Variants in NRG1 observed in about 807,000 individuals in gnomAD.
NRG1 encodes pro-neuregulin-1, membrane-bound isoform.
Under a neutral mutation model 63.8 loss-of-function variants are expected in NRG1, and 18 were observed. That is an observed-to-expected ratio of 0.28 (90% CI 0.19 to 0.42). NRG1 has a LOEUF of 0.42. Ranked by LOEUF, NRG1 falls within the 10% of genes least tolerant of loss-of-function variation. The pLI is 1.00. For synonymous variants in NRG1, 302 were observed against 301.3 expected, an observed-to-expected ratio of 1.00 and a Z score of -0.02; for missense variants, 762 against 814.7, an observed-to-expected ratio of 0.94 and a Z score of 0.79.
chr8:32,288,467 C>T (rs1379553642), intron 1 of NRG1, among the ~76,000 whole-genome samples: 1 of 152,134 alleles, frequency 6.6e-6, no homozygotes, highest in Admixed American at 6.5e-5. Flanking sequence ...AAGCCCATTC[C>T]ACTTACAAGA....
chr8:32,238,903 A>T (rs974039729), intron 1 of NRG1, among the ~76,000 whole-genome samples: 5 of 152,138 alleles, frequency 3.3e-5, no homozygotes, highest in Non-Finnish European at 7.3e-5. Flanking sequence ...GAACAGGGAG[A>T]TGCTATTTAC....
intron 1 of NRG1, among the ~76,000 whole-genome samples, chr8:32,049,311 C>A (rs2130791750): frequency 6.6e-6 from 1 of 152,212 alleles, no homozygotes; most frequent in African/African-American, 2.4e-5. Flanking sequence ...GTGACGTATG[C>A]TAAATATATT....
intron 1 of NRG1, among the ~76,000 whole-genome samples, chr8:32,184,251 G>A (rs982325449): frequency 2.0e-5 from 3 of 152,044 alleles, no homozygotes; most frequent in African/African-American, 7.2e-5. Context: ...AATAGCATAT[G>A]AGCACTTCAC....
intron 1 of NRG1, among the ~76,000 whole-genome samples, chr8:31,941,926 G>A (rs1801815999): frequency 6.6e-6 from 1 of 152,136 alleles, no homozygotes; most frequent in Non-Finnish European, 1.5e-5. Flanking sequence ...CCATGCTCAT[G>A]GATGGGTGAA....
chr8:32,087,370 G>A (rs1056134059), intron 1 of NRG1, among the ~76,000 whole-genome samples: 2 of 151,870 alleles, frequency 1.3e-5, no homozygotes, highest in African/African-American at 4.8e-5. Context: ...GCTTCCTGAG[G>A]CCCTCACTAG....
intron 5 of NRG1, among the ~76,000 whole-genome samples, chr8:32,617,413 T>A (rs1310694076): frequency 6.6e-6 from 1 of 152,264 alleles, no homozygotes; most frequent in Non-Finnish European, 1.5e-5. Context: ...CTAGGCAAGA[T>A]CTCAGATTAG....
At chr8:32,416,911 C>T (rs1201765419) in intron 1 of NRG1, among the ~76,000 whole-genome samples, 4 of 152,122 alleles carry the variant, frequency 2.6e-5, no homozygotes, top group Admixed American at 2.0e-4. Context: ...GTCTTGAACT[C>T]CTGAGCTCAA....
chr8:32,689,540 T>G (rs915522035), intron 5 of NRG1, among the ~76,000 whole-genome samples: 7 of 152,266 alleles, frequency 4.6e-5, no homozygotes, highest in African/African-American at 1.7e-4. Flanking sequence ...AATTGTGCTT[T>G]TAAAAAATTG....
At chr8:32,708,733 C>T (rs959290677) in intron 5 of NRG1, among the ~76,000 whole-genome samples, 2 of 152,170 alleles carry the variant, frequency 1.3e-5, no homozygotes, top group Non-Finnish European at 1.5e-5. Context: ...ATAATTCTTT[C>T]CTTTCTCTCG....
At chr8:31,962,538 A>G (rs1316438646) in intron 1 of NRG1, among the ~76,000 whole-genome samples, 1 of 152,192 alleles carries the variant, frequency 6.6e-6, no homozygotes, top group Non-Finnish European at 1.5e-5. Flanking sequence ...TAGGGAGAGA[A>G]TTGAAGTATG....
chr8:32,728,622 A>G (rs2129015862), intron 6 of NRG1: 1 of 985,050 alleles, frequency 1.0e-6, no homozygotes, highest in East Asian at 1.1e-4. Context: ...CTAGTAAAAA[A>G]AGAGAAAAAA....
At chr8:31,852,850 C>T (rs1338729292) in intron 1 of NRG1, among the ~76,000 whole-genome samples, 2 of 152,152 alleles carry the variant, frequency 1.3e-5, no homozygotes, top group Non-Finnish European at 2.9e-5. Flanking sequence ...TTCCCAGCAC[C>T]ATTTATTAAA....
At chr8:31,739,303 A>G (rs1586053382) in intron 1 of NRG1, among the ~76,000 whole-genome samples, 1 of 152,094 alleles carries the variant, frequency 6.6e-6, no homozygotes, top group East Asian at 1.9e-4. Flanking sequence ...GTTATCTCAC[A>G]CTGGGGTTGG....
intron 1 of NRG1, among the ~76,000 whole-genome samples, chr8:32,211,387 C>T (rs1467830844): frequency 6.6e-6 from 1 of 152,124 alleles, no homozygotes; most frequent in Non-Finnish European, 1.5e-5. Flanking sequence ...TAAAGAATGT[C>T]CCTTGTGCAT....
At chr8:31,678,436 T>C (rs571717356) in intron 1 of NRG1, among the ~76,000 whole-genome samples, 1 of 152,132 alleles carries the variant, frequency 6.6e-6, no homozygotes, top group Non-Finnish European at 1.5e-5. Flanking sequence ...ACCACCTTTG[T>C]GTCCATTGAA....
chr8:32,119,731 T>C (rs1401653749), intron 1 of NRG1, among the ~76,000 whole-genome samples: 1 of 151,988 alleles, frequency 6.6e-6, no homozygotes, highest in Non-Finnish European at 1.5e-5. Flanking sequence ...TGGAAGGCCA[T>C]ATGTCAAAAT....
Position 31,640,642 on chromosome 8 carries a change from C to T in NRG1, c.37+1211C>T. On this transcript the variant is annotated intron_variant, in intron 1 of 10. Coordinates refer to the NRG1 transcript ENST00000519301. The surrounding 1 kb of genome is among the most constrained non-coding windows in gnomAD (Gnocchi z 6.3). ...CGACGCCAACAGCACCAGCCGCGCG[C>T]CGGCCGCCTTCCGAGCCTCTTTCCC... The T allele has an allele frequency of 6.2e-7, 1 of 1,609,196 alleles. No individual in the cohort carries two copies. The highest frequency in any genetic ancestry group is 8.5e-7 in the Non-Finnish European group (1 of 1,178,666).
At chr8:32,692,248 TA>T (rs1362566874) in intron 5 of NRG1, among the ~76,000 whole-genome samples, 2 of 152,234 alleles carry the variant, frequency 1.3e-5, no homozygotes, top group Non-Finnish European at 2.9e-5. Flanking sequence ...CTCAAAGATT[TA>T]TTCTGTGTAG....
At chr8:31,978,385 C>T (rs1266922482) in intron 1 of NRG1, among the ~76,000 whole-genome samples, 1 of 152,096 alleles carries the variant, frequency 6.6e-6, no homozygotes, top group Non-Finnish European at 1.5e-5. Flanking sequence ...TAAAAATCAT[C>T]ACACTGGTAG....
Sources: gnomAD v4.1 joint callset for allele counts (sites outside exome capture counted in the v4.1 genomes callset) on GRCh38, gnomAD v4.1.1 for gene constraint, Gnocchi (gnomAD v3.1) non-coding constraint, MANE v1.5 for transcripts, NCBI Gene and HGNC (gene_info 2026-07-23, HGNC 2026-07-21) for gene names.